Variants in SYNJ1 observed in about 807,000 individuals in gnomAD.
The protein encoded by SYNJ1 is synaptojanin 1, also known as polyphosphatidylinositol phosphatase SYNJ1.
A neutral mutation model predicts 168.2 loss-of-function variants in SYNJ1; 78 were observed. That is an observed-to-expected ratio of 0.46 (90% CI 0.39 to 0.56). The LOEUF (loss-of-function observed/expected upper bound fraction) is 0.56. SYNJ1 is among the 20% of genes least tolerant of loss of function. SYNJ1 has a pLI of 0.00. For missense variants in SYNJ1, 1,303 were observed against 1,597.6 expected (o/e 0.82, Z 3.14); for synonymous variants, 539 against 548.6 (o/e 0.98, Z 0.24).
intron 4 of SYNJ1, among the ~76,000 whole-genome samples, chr21:32,699,169 T>C (rs1218195362): frequency 6.6e-6 from 1 of 152,156 alleles, no homozygotes; most frequent in Admixed American, 6.5e-5. Flanking sequence ...TTTTTCTTTG[T>C]AAAGCAAGCA....
chr21:32,647,121 C>T (rs1198306787), intron 23 of SYNJ1, among the ~76,000 whole-genome samples: 2 of 152,212 alleles, frequency 1.3e-5, no homozygotes, highest in Non-Finnish European at 2.9e-5. Context: ...TCCTCATCTC[C>T]ACTTACTTCT....
intron 2 of SYNJ1, among the ~76,000 whole-genome samples, chr21:32,724,097 A>T (rs746277852): frequency 1.3e-5 from 2 of 152,054 alleles, no homozygotes; most frequent in Non-Finnish European, 2.9e-5. Context: ...GAAACACCAG[A>T]TCTCCTTAAA....
intron 17 of SYNJ1, 73 bp downstream of exon 17, chr21:32,665,870 T>A: frequency 2.1e-6 from 3 of 1,401,424 alleles, no homozygotes; most frequent in African/African-American, 1.5e-5. Context: ...TCCAAAAACA[T>A]TGATGTAGAA....
intron 6 of SYNJ1, among the ~76,000 whole-genome samples, chr21:32,689,894 T>C (rs1402863158): frequency 1.3e-5 from 2 of 152,232 alleles, no homozygotes; most frequent in African/African-American, 4.8e-5. Context: ...AGTTTAAAAT[T>C]TGAAAGACGT....
At chr21:32,633,270 G>A (rs2039422077) in intron 32 of SYNJ1, among the ~76,000 whole-genome samples, 1 of 152,130 alleles carries the variant, frequency 6.6e-6, no homozygotes. Context: ...TAGGAAGAGT[G>A]CTTGGAATTC....
rs2041905035 is a variant in SYNJ1, at chr21:32,688,383, T to A, written c.790-16A>T. 6.2e-7 allele frequency: 1 copy of A among 1,609,718 alleles called. No individual in the cohort carries two copies. The highest frequency in any genetic ancestry group is 8.5e-7 in the Non-Finnish European group (1 of 1,178,130). On this transcript the variant is annotated splice_polypyrimidine_tract_variant and intron_variant, in intron 6 of 32. Coordinates refer to ENST00000674351, the MANE Select transcript of SYNJ1 (RefSeq NM_203446.3). ...GAGATCCCACCTTAGACAAGAAAAA[T>A]ATATTTAATCAAACCAAAAACCAAC...
chr21:32,723,040 T>C (rs1305443888), intron 2 of SYNJ1, among the ~76,000 whole-genome samples: 4 of 152,228 alleles, frequency 2.6e-5, no homozygotes, highest in Non-Finnish European at 2.9e-5. Context: ...TCCAGGGGGC[T>C]AGAGCCCAGA....
chr21:32,653,692 T>C (rs553883452), intron 21 of SYNJ1: 110 of 215,416 alleles, frequency 5.1e-4, no homozygotes, highest in African/African-American at 2.4e-3. Context: ...AAGTGACTTG[T>C]TCAAAGTGAC....
At position 32,656,075 on chromosome 21, in the gene SYNJ1, TAGGAATCGTG is replaced by T. The variant is rs112422396; in HGVS notation, c.2795+602_2795+611del. Among the ~76,000 whole-genome samples, 11 of 152,342 alleles carry T rather than the reference TAGGAATCGTG, an allele frequency of 7.2e-5. 1 individual carries two copies. The highest frequency in any genetic ancestry group is 2.6e-4 in the African/African-American group (11 of 41,574). On this transcript the variant is annotated intron_variant, in intron 21 of 32. Transcript: ENST00000674351. ...GGGTTTTGTTACATGTTCTATTGTA[TAGGAATCGTG>T]AGAGTTCATATCTGAACTTGCACCT...
intron 13 of SYNJ1, among the ~76,000 whole-genome samples, chr21:32,674,807 T>A: frequency 6.6e-6 from 1 of 152,208 alleles, no homozygotes; most frequent in Non-Finnish European, 1.5e-5. Context: ...ATGATCTTAT[T>A]TTATTATGAT....
At chr21:32,642,238 C>T (rs2039873924) in intron 27 of SYNJ1, 105 bp from the exon 28 acceptor site, 3 of 1,252,640 alleles carry the variant, frequency 2.4e-6, no homozygotes, top group African/African-American at 3.0e-5. Flanking sequence ...GAAATGGGGG[C>T]ATGAGATGGT....
At chr21:32,632,332 ATCTT>A (rs1175058473) in intron 32 of SYNJ1, among the ~76,000 whole-genome samples, 1 of 151,882 alleles carries the variant, frequency 6.6e-6, no homozygotes, top group Non-Finnish European at 1.5e-5. Flanking sequence ...CGAAGACTCC[ATCTT>A]TCTGTCTTCT....
intron 2 of SYNJ1, 114 bp downstream of exon 2, chr21:32,726,658 T>G: frequency 1.5e-6 from 2 of 1,342,276 alleles, no homozygotes; most frequent in Non-Finnish European, 2.0e-6. Context: ...CATAATCTGC[T>G]AGAGGAAATA....
intron 13 of SYNJ1, among the ~76,000 whole-genome samples, chr21:32,674,893 C>T (rs1210533641): frequency 1.3e-5 from 2 of 152,116 alleles, no homozygotes; most frequent in African/African-American, 2.4e-5. Context: ...TCTTAGTATT[C>T]TTGTAAAGAT....
At position 32,657,780 on chromosome 21, in the gene SYNJ1, G is replaced by A. The variant is rs770413547; in HGVS notation, c.2397C>T (p.Cys799=). The A allele has an allele frequency of 1.2e-6, 2 of 1,614,062 alleles. No homozygotes were observed. The highest frequency in any genetic ancestry group is 1.1e-5 in the South Asian group (1 of 91,070). The change falls in exon 19 of 33, where the codon TGC becomes TGT. Residue 799 remains cysteine (C), a synonymous_variant. Transcript: ENST00000674351. The part of the protein sequence containing the change: ...FSDDYDTSEK[C]RTPAWTDRVL... ...CACGGTCTGTCCAGGCAGGGGTGCGGCACTTTTCACTGGTGTCATAGTCGT... is the reference window on the plus strand; with the variant it reads ...CACGGTCTGTCCAGGCAGGGGTGCGACACTTTTCACTGGTGTCATAGTCGT...
intron 23 of SYNJ1, among the ~76,000 whole-genome samples, chr21:32,648,672 C>T (rs185010668): frequency 1.6e-4 from 24 of 152,320 alleles, no homozygotes; most frequent in Admixed American, 1.4e-3. Context: ...CTGTATTTCT[C>T]CATATTCGAT....
In SYNJ1 at chr21:32,665,044, CAT is replaced by C; in HGVS notation, c.2171_2172del (p.Tyr724CysfsTer6). On this transcript the variant is annotated frameshift_variant, in exon 18 of 33. Transcript: ENST00000674351. LOFTEE classifies it high-confidence loss of function. Reference sequence around the variant, plus strand: ...TAGTTGAAATCACCACACCAAAATACATAGTCATGGGAAAATAGCATCCTTCC... The same window carrying C: ...TAGTTGAAATCACCACACCAAAATACAGTCATGGGAAAATAGCATCCTTCC... ...PMGRMLFSHD[Y>X]VFWCGDFNYR... 6.2e-7 allele frequency: 1 copy of C among 1,608,650 alleles called. No individual in the cohort carries two copies.
intron 11 of SYNJ1, among the ~76,000 whole-genome samples, chr21:32,680,718 T>C (rs2041590889): frequency 6.6e-6 from 1 of 151,924 alleles, no homozygotes; most frequent in African/African-American, 2.4e-5. Flanking sequence ...TGGGTTCAAG[T>C]GATTCTCATG....
intron 3 of SYNJ1, among the ~76,000 whole-genome samples, chr21:32,700,350 T>C (rs2146215524): frequency 6.6e-6 from 1 of 152,288 alleles, no homozygotes; most frequent in East Asian, 1.9e-4. Flanking sequence ...ATTCTGAGGC[T>C]AAAAAAACTT....
Sources: allele counts gnomAD v4.1 joint callset (sites outside exome capture counted in the v4.1 genomes callset), GRCh38; gene constraint gnomAD v4.1.1; transcripts MANE v1.5; gene names NCBI Gene and HGNC (gene_info 2026-07-23, HGNC 2026-07-21).